Variants in VIPR2 observed in about 807,000 individuals in gnomAD.
VIPR2 encodes the protein vasoactive intestinal polypeptide receptor 2.
In VIPR2, 48 loss-of-function variants were observed where a neutral mutation model predicts 58.0. That is an observed-to-expected ratio of 0.83 (90% CI 0.66 to 1.05). The LOEUF is 1.05. Ranked by LOEUF, VIPR2 falls within the 50% of genes least tolerant of loss-of-function variation. The probability of loss-of-function intolerance (pLI) is 0.00; values close to 1 mark genes in which losing one functional copy is unlikely to be tolerated. For synonymous variants in VIPR2, 243 were observed against 235.2 expected (o/e 1.03, Z -0.30); for missense variants, 534 against 558.0 (o/e 0.96, Z 0.43).
At position 159,081,022 on chromosome 7, in the gene VIPR2, C is replaced by T. The variant is rs550175593; in HGVS notation, c.358-22444G>A. Among the ~76,000 whole-genome samples the T allele has an allele frequency of 5.3e-5, 8 of 152,254 alleles. No individual in the cohort carries two copies. The East Asian group carries it at 9.6e-4, about 18-fold the overall frequency. On this transcript the variant is annotated intron_variant, in intron 4 of 12. Coordinates refer to ENST00000262178, the MANE Select transcript of VIPR2 (RefSeq NM_003382.5). ...GCTCATGGGTAGGAATAATCAATAC[C>T]GTGAAAATGGCCATACTGCTCAAGG...
chr7:159,104,788 G>A (rs960531950), intron 3 of VIPR2, among the ~76,000 whole-genome samples: 16 of 146,310 alleles, frequency 1.1e-4, no homozygotes, highest in South Asian at 4.4e-4. Flanking sequence ...CCTTGCCACC[G>A]ATGGTGACCG....
At chr7:159,140,956 T>C (rs1797442183) in intron 2 of VIPR2, among the ~76,000 whole-genome samples, 1 of 152,084 alleles carries the variant, frequency 6.6e-6, no homozygotes, top group Non-Finnish European at 1.5e-5. Context: ...TAATGTATTG[T>C]TTGCAAACTT....
intron 2 of VIPR2, among the ~76,000 whole-genome samples, chr7:159,110,886 A>G (rs1214471573): frequency 6.6e-6 from 1 of 152,268 alleles, no homozygotes; most frequent in Non-Finnish European, 1.5e-5. Flanking sequence ...AGTTTTGCAG[A>G]TGAAAATAGT....
rs1006993895 is a variant in VIPR2 at position 159,117,241 on chromosome 7, C to T, written c.152-7322G>A. On this transcript the variant is annotated intron_variant, in intron 2 of 12. Coordinates refer to ENST00000262178, the MANE Select transcript of VIPR2 (RefSeq NM_003382.5). Reference sequence around the variant, plus strand: ...CCTTGCCATCTCAGACTGCATGGGACTTGCTTTATCACCAGTGTATACCAC... The same window carrying T: ...CCTTGCCATCTCAGACTGCATGGGATTTGCTTTATCACCAGTGTATACCAC... 12 of 703,498 alleles carry T rather than the reference C, an allele frequency of 1.7e-5. No individual in the cohort carries two copies. In the African/African-American group the frequency reaches 1.8e-4, roughly 10 times the overall value. 43.6% of individuals were successfully genotyped at this position (703,498 alleles called of 1,614,324 possible).
At chr7:159,035,604 A>G (rs1290765036) in intron 8 of VIPR2, 3 of 849,410 alleles carry the variant, frequency 3.5e-6, no homozygotes, top group African/African-American at 1.8e-5. Context: ...CCATCACCTG[A>G]CCTTCCACTT....
At chr7:159,085,128 C>A (rs1287732717) in intron 4 of VIPR2, among the ~76,000 whole-genome samples, 1 of 152,168 alleles carries the variant, frequency 6.6e-6, no homozygotes, top group Non-Finnish European at 1.5e-5. Flanking sequence ...TGTGAAGCAT[C>A]AGATTCTACA....
rs1009524624 is a variant in VIPR2, at chr7:159,098,772, G to A, written c.357+4985C>T. On this transcript the variant is annotated intron_variant, in intron 4 of 12. Transcript: ENST00000262178. The surrounding 1 kb of genome is among the most constrained non-coding windows in gnomAD (Gnocchi z 5.2). ...TTTTTTCTCGAATTTAATTAATTTC[G>A]AAAACAATAAACAATAATGATTGCA... 9.2e-5 allele frequency among the ~76,000 whole-genome samples: 14 copies of A among 152,120 alleles called. No individual in the cohort carries two copies. The highest frequency in any genetic ancestry group is 1.9e-4 in the Non-Finnish European group (13 of 68,030).
chr7:159,112,600 C>T (rs1180436783), intron 2 of VIPR2, among the ~76,000 whole-genome samples: 1 of 151,678 alleles, frequency 6.6e-6, no homozygotes, highest in African/African-American at 2.4e-5. Flanking sequence ...GCCATCGGTA[C>T]CCCCGGCACC....
At chr7:159,117,613 C>T (rs768977597) in intron 2 of VIPR2, among the ~76,000 whole-genome samples, 75 of 152,170 alleles carry the variant, frequency 4.9e-4, no homozygotes, top group Non-Finnish European at 1.0e-3. Flanking sequence ...GAGGTGGTGC[C>T]CTAGATCTTC....
At chr7:159,137,142 C>A (rs574652412) in intron 2 of VIPR2, among the ~76,000 whole-genome samples, 1 of 152,160 alleles carries the variant, frequency 6.6e-6, no homozygotes, top group South Asian at 2.1e-4. Flanking sequence ...CTCAAGGGGC[C>A]GGCCGCCCAC....
intron 2 of VIPR2, among the ~76,000 whole-genome samples, chr7:159,122,618 C>T (rs1159834378): frequency 6.6e-6 from 1 of 152,184 alleles, no homozygotes; most frequent in African/African-American, 2.4e-5. Flanking sequence ...AGGTCACATA[C>T]AGGTGCAGGG....
At chr7:159,144,085 A>C (rs973671151) in intron 1 of VIPR2, among the ~76,000 whole-genome samples, 4 of 152,264 alleles carry the variant, frequency 2.6e-5, no homozygotes, top group African/African-American at 9.6e-5. Context: ...CCAAGAGGAA[A>C]GCAAGAAACA....
At chr7:159,109,744 A>G (rs577641324) in intron 3 of VIPR2, 68 bp downstream of exon 3, 1 of 1,437,674 alleles carries the variant, frequency 7.0e-7, no homozygotes, top group African/African-American at 1.4e-5. Context: ...TGCTTCTTGG[A>G]TGGAAAAAAT....
chr7:159,093,721 C>T lies in VIPR2; in HGVS notation c.357+10036G>A, dbSNP rs923394167. ...GGGAGACCCCGCAGCGTCCCTGGGT[C>T]CGGACATGGGAGACCCCGCAGCGTC... On this transcript the variant is annotated intron_variant, in intron 4 of 12. Transcript: ENST00000262178. The surrounding 1 kb of genome is among the most constrained non-coding windows in gnomAD (Gnocchi z 6.7). 4.4e-5 allele frequency among the ~76,000 whole-genome samples: 5 copies of T among 112,944 alleles called. No individual in the cohort carries two copies. Among genetic ancestry groups the T allele is most frequent in the Non-Finnish European group, 1.1e-4 (5 of 46,728 alleles). 74.1% of individuals were successfully genotyped at this position (112,944 alleles called of 152,430 possible).
intron 6 of VIPR2, among the ~76,000 whole-genome samples, chr7:159,042,403 C>G (rs1222342472): frequency 6.6e-6 from 1 of 152,200 alleles, no homozygotes; most frequent in African/African-American, 2.4e-5. Flanking sequence ...CTATGTTAAA[C>G]TGACTTGATT....
rs543734405 is a variant in VIPR2, at chr7:159,031,056, T to C, written c.1144-267A>G. Among the ~76,000 whole-genome samples the C allele has an allele frequency of 6.8e-4, 103 of 152,266 alleles. No homozygotes were observed. The highest frequency in any genetic ancestry group is 2.3e-3 in the African/African-American group (97 of 41,550). On this transcript the variant is annotated intron_variant, in intron 12 of 12. Transcript: ENST00000262178. This position sits in a 1 kb window ranked among gnomAD's most constrained non-coding sequence, Gnocchi z 4.0. ...ATCGCCACTGCCGCGGTAAGCGCAG[T>C]CCCACAGTCTCAGATAGTTAATATT...
rs565052485 is a variant in VIPR2 at position 159,131,012 on chromosome 7, C to G, written c.151+11434G>C. Reference sequence around the variant, plus strand: ...AGGCCCAGCATGGCAGTCTCCTCTTCCAGACAGAATGCGCTGCCTCCGCCC... The same window carrying G: ...AGGCCCAGCATGGCAGTCTCCTCTTGCAGACAGAATGCGCTGCCTCCGCCC... On this transcript the variant is annotated intron_variant, in intron 2 of 12. Transcript: ENST00000262178. 5.2e-4 allele frequency among the ~76,000 whole-genome samples: 79 copies of G among 152,298 alleles called. 1 individual carries two copies. Among genetic ancestry groups the G allele is most frequent in the Middle Eastern group, 6.8e-3 (2 of 294 alleles).
At chr7:159,124,759 A>G (rs955170876) in intron 2 of VIPR2, among the ~76,000 whole-genome samples, 3 of 152,206 alleles carry the variant, frequency 2.0e-5, no homozygotes, top group Non-Finnish European at 4.4e-5. Context: ...GATTCTTCCT[A>G]TCCATGAGCA....
In VIPR2 at chr7:159,095,336, C is replaced by A. The variant is rs1157841383; in HGVS notation, c.357+8421G>T. On this transcript the variant is annotated intron_variant, in intron 4 of 12. Transcript: ENST00000262178. This position sits in a 1 kb window ranked among gnomAD's most constrained non-coding sequence, Gnocchi z 5.2. Reference sequence around the variant, plus strand: ...TGTGTGCAAGTGACTGTGTGCTGCACACACCCAGTGTGAGGGCCGGGCAAA... The same window carrying A: ...TGTGTGCAAGTGACTGTGTGCTGCAAACACCCAGTGTGAGGGCCGGGCAAA... Among the ~76,000 whole-genome samples the A allele has an allele frequency of 2.0e-5, 3 of 152,206 alleles. No individual in the cohort carries two copies. The highest frequency in any genetic ancestry group is 4.4e-5 in the Non-Finnish European group (3 of 68,034).
Sources: gnomAD v4.1 joint callset for allele counts (sites outside exome capture counted in the v4.1 genomes callset) on GRCh38, gnomAD v4.1.1 for gene constraint, Gnocchi (gnomAD v3.1) non-coding constraint, MANE v1.5 for transcripts, NCBI Gene and HGNC (gene_info 2026-07-23, HGNC 2026-07-21) for gene names.